ADARB2: variants seen among roughly 807,000 people sequenced by gnomAD.
The protein encoded by ADARB2 is adenosine deaminase RNA specific B2 (inactive), also known as inactive double-stranded RNA-specific editase B2.
ADARB2 carries 25 observed loss-of-function variants against 62.2 expected under a neutral mutation model. The observed-to-expected ratio is 0.40, with a 90% CI of 0.29 to 0.56. The LOEUF (loss-of-function observed/expected upper bound fraction) is 0.56. Ranked by LOEUF, ADARB2 falls within the 20% of genes least tolerant of loss-of-function variation. The pLI is 0.43. For missense variants in ADARB2, 1,071 were observed against 1,077.4 expected (o/e 0.99, Z 0.08); for synonymous variants, 572 against 500.8 (o/e 1.14, Z -1.90).
intron 1 of ADARB2, among the ~76,000 whole-genome samples, chr10:1,484,732 G>A (rs745914875): frequency 6.6e-6 from 1 of 152,232 alleles, no homozygotes; most frequent in East Asian, 1.9e-4. Context: ...GTGTGGAGGT[G>A]TGTATGTAGG....
Position 1,280,565 on chromosome 10 carries a change from G to GTGAAATTCCTAAGTGATGCTCCT in ADARB2, c.1078-9497_1078-9496insAGGAGCATCACTTAGGAATTTCA, listed in dbSNP as rs1564245254. ...TCCTGAAATTCCTAAGTGATGCTCC[G>GTGAAATTCCTAAGTGATGCTCCT]TGAAATTCCTAAGTGACGCTCCGTG... On this transcript the variant is annotated intron_variant, in intron 3 of 9. Coordinates refer to ENST00000381312, the MANE Select transcript of ADARB2 (RefSeq NM_018702.4). Among the ~76,000 whole-genome samples, 313 of 148,036 alleles carry GTGAAATTCCTAAGTGATGCTCCT rather than the reference G, an allele frequency of 2.1e-3. 3 individuals carry two copies. Among genetic ancestry groups the GTGAAATTCCTAAGTGATGCTCCT allele is most frequent in the African/African-American group, 7.9e-3 (299 of 37,656 alleles).
intron 1 of ADARB2, among the ~76,000 whole-genome samples, chr10:1,589,357 G>A (rs1833219732): frequency 1.3e-5 from 2 of 152,008 alleles, no homozygotes; most frequent in African/African-American, 2.4e-5. Flanking sequence ...GGGCATCCAT[G>A]GTAGGGTGTC....
rs569856762 is a variant in ADARB2, at chr10:1,433,898, C to T, written c.101-54738G>A. Among the ~76,000 whole-genome samples the T allele has an allele frequency of 2.3e-4, 35 of 152,250 alleles. No homozygotes were observed. The South Asian group carries it at 7.3e-3, about 32-fold the overall frequency. ...TCAAAGTTTCCGCTAAGATACACCT[C>T]GGTGGACCCTATATGGTGGCATTAC... On this transcript the variant is annotated intron_variant, in intron 1 of 9. Transcript: ENST00000381312.
At position 1,605,837 on chromosome 10, in the gene ADARB2, A is replaced by G. The variant is rs145126322; in HGVS notation, c.100+131214T>C. Among the ~76,000 whole-genome samples the G allele has an allele frequency of 2.1e-3, 323 of 152,350 alleles. 2 individuals carry two copies. The highest frequency in any genetic ancestry group is 7.5e-3 in the African/African-American group (310 of 41,580). ...TTTATGGACAACTTAGAGAACGTTAAGAGGACTAGCAGCCCATTATCTGGC... is the reference window on the plus strand; with the variant it reads ...TTTATGGACAACTTAGAGAACGTTAGGAGGACTAGCAGCCCATTATCTGGC... On this transcript the variant is annotated intron_variant, in intron 1 of 9. Coordinates refer to ENST00000381312, the MANE Select transcript of ADARB2 (RefSeq NM_018702.4).
intron 1 of ADARB2, among the ~76,000 whole-genome samples, chr10:1,456,787 G>A (rs79933215): frequency 0.036 from 5,439 of 152,190 alleles, 152 homozygotes; most frequent in Middle Eastern, 0.051. Context: ...GACTGCCCGA[G>A]AAAGATCAAT....
rs748408152 is a variant in ADARB2 at position 1,363,822 on chromosome 10, C to A, written c.283G>T (p.Gly95Cys). 1.3e-4 allele frequency: 203 copies of A among 1,579,050 alleles called. 3 individuals carry two copies. The East Asian group carries it at 4.6e-3, about 36-fold the overall frequency. The change falls in exon 3 of 10, where the codon GGC (glycine) becomes TGC (cysteine). Residue 95 changes from glycine to cysteine, a missense_variant. By Grantham distance (159) the Gly-to-Cys change is radical. Transcript: ENST00000381312. ...SGDRARGGAP[G>C]AKRKRPLEEG... ...TCCAGCGGCCGCTTCCTCTTCGCGCCGGGCGCGCCGCCCCGGGCCCGGTCC... is the reference window on the plus strand; with the variant it reads ...TCCAGCGGCCGCTTCCTCTTCGCGCAGGGCGCGCCGCCCCGGGCCCGGTCC...
chr10:1,200,615 C>G (rs1836973593), intron 7 of ADARB2, among the ~76,000 whole-genome samples: 1 of 151,938 alleles, frequency 6.6e-6, no homozygotes, highest in Admixed American at 6.5e-5. Flanking sequence ...AACAAATGAC[C>G]TTGTTTTGGT....
intron 3 of ADARB2, among the ~76,000 whole-genome samples, chr10:1,275,545 T>C (rs1831307724): frequency 6.6e-6 from 1 of 151,998 alleles, no homozygotes; most frequent in Admixed American, 6.6e-5. Flanking sequence ...TTAGGGTACA[T>C]GTGCACAATG....
chr10:1,267,309 C>T (rs1831214340), intron 4 of ADARB2, among the ~76,000 whole-genome samples: 1 of 152,136 alleles, frequency 6.6e-6, no homozygotes, highest in African/African-American at 2.4e-5. Flanking sequence ...TCTATTGAGA[C>T]GGATGACAAG....
At position 1,634,503 on chromosome 10, in the gene ADARB2, C is replaced by A. The variant is rs182182863; in HGVS notation, c.100+102548G>T. On this transcript the variant is annotated intron_variant, in intron 1 of 9. Coordinates refer to ENST00000381312, the MANE Select transcript of ADARB2 (RefSeq NM_018702.4). ...GGCTCTGGAAGCTCCTTCCTCCAGG[C>A]ACTCCTTCCTACCTGGAAGGATGTG... Among the ~76,000 whole-genome samples, 345 of 152,278 alleles carry A rather than the reference C, an allele frequency of 2.3e-3. 7 individuals are homozygous for A. The highest frequency in any genetic ancestry group is 7.6e-4 in the Non-Finnish European group (52 of 68,024).
At chr10:1,222,688 C>T (rs1830705297) in intron 6 of ADARB2, among the ~76,000 whole-genome samples, 1 of 149,466 alleles carries the variant, frequency 6.7e-6, no homozygotes, top group African/African-American at 2.6e-5. Context: ...TTCCCCATTG[C>T]TTGTTTTTGT....
At position 1,247,847 on chromosome 10, in the gene ADARB2, G is replaced by T. The variant is rs12265503; in HGVS notation, c.1193-5548C>A. Among the ~76,000 whole-genome samples, 441 of 152,304 alleles carry T rather than the reference G, an allele frequency of 2.9e-3. 1 individual carries two copies. Among genetic ancestry groups the T allele is most frequent in the African/African-American group, 9.7e-3 (404 of 41,558 alleles). ...TTGGTTTATGGGCATCACCCTCCAG[G>T]TATAAACCAGTGGTATTTGGGGCTG... On this transcript the variant is annotated intron_variant, in intron 4 of 9. Transcript: ENST00000381312.
In ADARB2 at chr10:1,630,212, C is replaced by T. The variant is rs546919016; in HGVS notation, c.100+106839G>A. ...TGAAGGGTCCACTGTGGCCAGAGAC[C>T]ATTCTGGGTCCATGAATGGGACAGA... is the stretch of plus-strand genomic sequence containing the variant. On this transcript the variant is annotated intron_variant, in intron 1 of 9. Coordinates refer to ENST00000381312, the MANE Select transcript of ADARB2 (RefSeq NM_018702.4). Among the ~76,000 whole-genome samples the T allele has an allele frequency of 2.6e-5, 4 of 152,288 alleles. No homozygotes were observed. The East Asian group carries it at 5.8e-4, about 22-fold the overall frequency.
At position 1,652,250 on chromosome 10, in the gene ADARB2, G is replaced by A. The variant is rs142012971; in HGVS notation, c.100+84801C>T. On this transcript the variant is annotated intron_variant, in intron 1 of 9. Coordinates refer to ENST00000381312, the MANE Select transcript of ADARB2 (RefSeq NM_018702.4). Reference sequence around the variant, plus strand: ...AGCTCAGCATGGCTGCCCAGTCTCAGCTTTTAACTGGGGCATCTGTTCTGC... The same window carrying A: ...AGCTCAGCATGGCTGCCCAGTCTCAACTTTTAACTGGGGCATCTGTTCTGC... 1.1e-4 allele frequency among the ~76,000 whole-genome samples: 16 copies of A among 152,348 alleles called. No individual in the cohort carries two copies. In the East Asian group the frequency reaches 3.1e-3, roughly 29 times the overall value.
chr10:1,547,401 G>A (rs1266150410), intron 1 of ADARB2, among the ~76,000 whole-genome samples: 1 of 107,556 alleles, frequency 9.3e-6, no homozygotes, highest in Non-Finnish European at 2.0e-5. Context: ...GGGAGAGGCT[G>A]CACTGGCGTA....
At chr10:1,192,438 A>G (rs1836855787) in intron 8 of ADARB2, among the ~76,000 whole-genome samples, 1 of 152,182 alleles carries the variant, frequency 6.6e-6, no homozygotes, top group Admixed American at 6.5e-5. Flanking sequence ...ATGTGGACTT[A>G]TGGATTTGGG....
At chr10:1,457,561 G>C (rs535574651) in intron 1 of ADARB2, among the ~76,000 whole-genome samples, 53 of 152,310 alleles carry the variant, frequency 3.5e-4, no homozygotes, top group African/African-American at 1.3e-3. Context: ...CTGCCAAAAA[G>C]AAAGTTACGC....
chr10:1,686,146 C>G (rs898058779), intron 1 of ADARB2, among the ~76,000 whole-genome samples: 1 of 152,200 alleles, frequency 6.6e-6, no homozygotes, highest in Non-Finnish European at 1.5e-5. Flanking sequence ...TCTACAAAAA[C>G]AAAAACAGAA....
At chr10:1,335,946 T>C (rs1831971799) in intron 3 of ADARB2, among the ~76,000 whole-genome samples, 1 of 152,224 alleles carries the variant, frequency 6.6e-6, no homozygotes, top group Non-Finnish European at 1.5e-5. Context: ...CACATTTGGC[T>C]TTGGTGGTTA....
Sources: allele counts gnomAD v4.1 joint callset (sites outside exome capture counted in the v4.1 genomes callset), GRCh38; gene constraint gnomAD v4.1.1; transcripts MANE v1.5; gene names NCBI Gene and HGNC (gene_info 2026-07-23, HGNC 2026-07-21).